Variants in DCC observed in about 807,000 individuals in gnomAD.
DCC encodes DCC netrin 1 receptor.
A neutral mutation model predicts 172.5 loss-of-function variants in DCC; 58 were observed. The ratio of observed to expected loss-of-function variants is 0.34; its 90% confidence interval spans 0.27 to 0.42. DCC has a LOEUF of 0.42. Among genes scored for constraint, DCC ranks in the 10% least tolerant of loss-of-function variants. The pLI, the probability that DCC is intolerant of heterozygous loss-of-function variation, is 1.00. For missense variants in DCC, 1,740 were observed against 1,791.0 expected (o/e 0.97, Z 0.51); for synonymous variants, 709 against 644.5 (o/e 1.10, Z -1.52).
rs138001660 is a variant in DCC at position 52,449,939 on chromosome 18, T to G, written c.91+109061T>G. On this transcript the variant is annotated intron_variant, in intron 1 of 28. Coordinates refer to ENST00000442544, the MANE Select transcript of DCC (RefSeq NM_005215.4). ...TAACTTTGAGTCCATTAAACCACTT[T>G]TCTTTATAAATTACCCAGTCTTGGG... Among the ~76,000 whole-genome samples the G allele has an allele frequency of 8.7e-4, 132 of 152,338 alleles. 2 individuals carry two copies. The East Asian group carries it at 0.015, about 18-fold the overall frequency.
intron 24 of DCC, among the ~76,000 whole-genome samples, chr18:53,464,752 G>A (rs1350166396): frequency 6.6e-6 from 1 of 151,796 alleles, no homozygotes; most frequent in Admixed American, 6.6e-5. Context: ...AGGCCGAGGT[G>A]TGCGGATCAC....
At chr18:53,280,819 A>T (rs1282709726) in intron 12 of DCC, among the ~76,000 whole-genome samples, 1 of 152,098 alleles carries the variant, frequency 6.6e-6, no homozygotes. Context: ...GAGGAATAAA[A>T]AATATTCTAG....
chr18:52,868,051 A>ATG (rs1477971417), intron 2 of DCC, among the ~76,000 whole-genome samples: 1,740 of 98,802 alleles, frequency 0.018, 15 homozygotes, highest in Middle Eastern at 0.04. Flanking sequence ...ATATATATAT[A>ATG]TATGTGTGTG....
intron 7 of DCC, among the ~76,000 whole-genome samples, chr18:53,099,943 C>CTTTCTTTTTTTTTTTTTTTTT (rs2043143038): frequency 1.1e-5 from 1 of 92,758 alleles, no homozygotes; most frequent in African/African-American, 5.0e-5. Context: ...TTCTTTCTTT[C>CTTTCTTTTTTTTTTTTTTTTT]TTTTTTTTTT....
chr18:52,553,532 C>T (rs558302661), intron 1 of DCC, among the ~76,000 whole-genome samples: 8 of 152,072 alleles, frequency 5.3e-5, no homozygotes, highest in Admixed American at 2.0e-4. Context: ...TTCTGTTCAA[C>T]AAACATTTAT....
chr18:53,339,590 G>A, intron 14 of DCC, 123 bp from the exon 15 acceptor site: 1 of 796,900 alleles, frequency 1.3e-6, no homozygotes, highest in Non-Finnish European at 2.2e-6. Context: ...AGAGTGACTT[G>A]GGCAATAGGT....
intron 1 of DCC, among the ~76,000 whole-genome samples, chr18:52,481,968 T>A (rs925128624): frequency 6.6e-6 from 1 of 152,142 alleles, no homozygotes; most frequent in African/African-American, 2.4e-5. Flanking sequence ...GAGGATCCAT[T>A]TGATATTTCC....
intron 1 of DCC, among the ~76,000 whole-genome samples, chr18:52,461,650 C>A (rs1988634123): frequency 6.6e-6 from 1 of 152,150 alleles, no homozygotes; most frequent in Non-Finnish European, 1.5e-5. Context: ...TCTTGTATAA[C>A]CTTATGGGAC....
chr18:52,617,457 C>T (rs1166176743), intron 1 of DCC, among the ~76,000 whole-genome samples: 2 of 152,092 alleles, frequency 1.3e-5, no homozygotes, highest in Admixed American at 6.5e-5. Flanking sequence ...ACTACTGAAT[C>T]GCATTGAGAA....
rs755268585 is a variant in DCC, at chr18:53,397,345, G to C, written c.2726G>C (p.Gly909Ala). 1 of 1,613,644 alleles carries C rather than the reference G, an allele frequency of 6.2e-7. No homozygotes were observed. Among genetic ancestry groups the C allele is most frequent in the South Asian group, 1.1e-5 (1 of 91,032 alleles). The change falls in exon 18 of 29, where the codon GGC (glycine) becomes GCC (alanine). Residue 909 changes from glycine (G) to alanine (A), a missense_variant. Around this residue, in one of 2 missense-constraint regions of DCC, gnomAD observed 1,732 missense variants for 1,767.4 expected, o/e 0.98. Transcript: ENST00000442544. The stretch of plus-strand genomic sequence containing the variant: ...ACATCTCTAAGTTACACAGCAACAG[G>C]CCTCAAACCAAACACAATGTATGAA... ...DTTSLSYTAT[G>A]LKPNTMYEFS...
chr18:52,943,850 A>G (rs2040500560), intron 5 of DCC, among the ~76,000 whole-genome samples: 1 of 152,094 alleles, frequency 6.6e-6, no homozygotes, highest in African/African-American at 2.4e-5. Flanking sequence ...CCTGGGTTCA[A>G]GTGATTCTCC....
intron 13 of DCC, among the ~76,000 whole-genome samples, chr18:53,309,988 T>C (rs937634284): frequency 7.0e-5 from 6 of 86,126 alleles, no homozygotes; most frequent in African/African-American, 2.6e-4. Flanking sequence ...ATATACTCTT[T>C]CTAAATTTGA....
intron 1 of DCC, among the ~76,000 whole-genome samples, chr18:52,450,101 G>T (rs1425184748): frequency 6.6e-6 from 1 of 152,174 alleles, no homozygotes; most frequent in East Asian, 1.9e-4. Context: ...AAATAAGCCT[G>T]TCTCAAACCG....
chr18:52,487,925 G>T (rs2030311944), intron 1 of DCC, among the ~76,000 whole-genome samples: 1 of 151,506 alleles, frequency 6.6e-6, no homozygotes, highest in East Asian at 2.0e-4. Flanking sequence ...ATCGGGATGA[G>T]TCTCCTTCAA....
rs2054652043 is a variant in DCC at position 53,152,173 on chromosome 18, T to G, written c.1262-5183T>G. On this transcript the variant is annotated intron_variant, in intron 7 of 28. Transcript: ENST00000442544. ...GTTGATTTGGTGGCTACATTTGTAA[T>G]ATTTTAGTGAGCAACATGGGGAATG... Among the ~76,000 whole-genome samples, 3 of 152,208 alleles carry G rather than the reference T, an allele frequency of 2.0e-5. No individual in the cohort carries two copies. In the South Asian group the frequency reaches 6.2e-4, roughly 31 times the overall value.
intron 27 of DCC, among the ~76,000 whole-genome samples, chr18:53,500,467 T>A (rs2046083155): frequency 6.6e-6 from 1 of 152,098 alleles, no homozygotes; most frequent in African/African-American, 2.4e-5. Context: ...TTGACTAACT[T>A]TTCTGTTACT....
chr18:53,224,245 G>GA (rs2055988790), intron 12 of DCC, among the ~76,000 whole-genome samples: 1 of 152,186 alleles, frequency 6.6e-6, no homozygotes, highest in African/African-American at 2.4e-5. Context: ...GGCGTGAATA[G>GA]AAAAGGATCA....
intron 14 of DCC, among the ~76,000 whole-genome samples, chr18:53,339,434 A>T (rs564728298): frequency 3.3e-5 from 5 of 152,320 alleles, no homozygotes; most frequent in Non-Finnish European, 4.4e-5. Context: ...TGTAAAAAGA[A>T]AAAAAGCCCA....
intron 1 of DCC, among the ~76,000 whole-genome samples, chr18:52,576,673 CA>C (rs907981813): frequency 1.3e-5 from 2 of 151,654 alleles, no homozygotes; most frequent in African/African-American, 4.8e-5. Context: ...ACGAAAAATA[CA>C]AAAAAATTAG....
Sources: gnomAD v4.1 joint callset for allele counts (sites outside exome capture counted in the v4.1 genomes callset) on GRCh38, gnomAD v4.1.1 for gene constraint, gnomAD v4.1.1 regional missense constraint, MANE v1.5 for transcripts, NCBI Gene and HGNC (gene_info 2026-07-23, HGNC 2026-07-21) for gene names.